ATXN2: variants seen among roughly 807,000 people sequenced by gnomAD.
ATXN2 encodes ataxin-2.
Under a neutral mutation model 138.6 loss-of-function variants are expected in ATXN2, and 37 were observed. The ratio of observed to expected loss-of-function variants is 0.27; its 90% CI spans 0.21 to 0.35. The LOEUF is 0.35. ATXN2 is among the 10% of genes least tolerant of loss of function. ATXN2 has a pLI of 1.00. For missense variants in ATXN2, 1,216 were observed against 1,480.3 expected (o/e 0.82, Z 2.93); for synonymous variants, 549 against 543.7 (o/e 1.01, Z -0.13).
At chr12:111,475,469 G>C (rs1592807733) in intron 18 of ATXN2, among the ~76,000 whole-genome samples, 1 of 141,550 alleles carries the variant, frequency 7.1e-6, no homozygotes. Context: ...ATTGTAAAAA[G>C]ATTTATCTTT....
At chr12:111,547,369 G>C (rs1881850088) in intron 5 of ATXN2, among the ~76,000 whole-genome samples, 1 of 152,118 alleles carries the variant, frequency 6.6e-6, no homozygotes, top group Non-Finnish European at 1.5e-5. Flanking sequence ...AGAGGTTGCA[G>C]TGAGCTGAGA....
chr12:111,456,305 G>A (rs201780034), intron 22 of ATXN2, 49 bp from the exon 23 acceptor site: 2 of 1,591,754 alleles, frequency 1.3e-6, no homozygotes, highest in Non-Finnish European at 1.7e-6. Context: ...TTAATGAAAA[G>A]CAGCCAAGGG....
intron 5 of ATXN2, among the ~76,000 whole-genome samples, chr12:111,531,945 T>TA (rs1054653072): frequency 2.6e-5 from 4 of 152,226 alleles, no homozygotes; most frequent in South Asian, 2.1e-4. Context: ...TATCAAAAAC[T>TA]AAAAAAATCT....
At chr12:111,570,088 C>T (rs1719636085) in intron 1 of ATXN2, among the ~76,000 whole-genome samples, 1 of 152,156 alleles carries the variant, frequency 6.6e-6, no homozygotes, top group Non-Finnish European at 1.5e-5. Flanking sequence ...GAAGTAGCCA[C>T]AATACTGGAC....
At chr12:111,553,643 C>T (rs1007779138) in intron 3 of ATXN2, among the ~76,000 whole-genome samples, 3 of 126,184 alleles carry the variant, frequency 2.4e-5, no homozygotes, top group Non-Finnish European at 4.6e-5. Context: ...GCACTGTTGA[C>T]CAGGCTGAGT....
intron 5 of ATXN2, among the ~76,000 whole-genome samples, chr12:111,536,012 A>C (rs1211276627): frequency 6.6e-6 from 1 of 150,634 alleles, no homozygotes; most frequent in African/African-American, 2.5e-5. Flanking sequence ...AAAAAAAAAA[A>C]AAAACATTGG....
intron 1 of ATXN2, among the ~76,000 whole-genome samples, chr12:111,595,763 A>C (rs1408310403): frequency 2.0e-5 from 3 of 152,036 alleles, no homozygotes; most frequent in Non-Finnish European, 4.4e-5. Flanking sequence ...AAAAATAAGA[A>C]TTAGACTGAT....
chr12:111,452,889 C>T (rs373889583), intron 24 of ATXN2, 49 bp from the exon 25 acceptor site: 4 of 1,595,576 alleles, frequency 2.5e-6, no homozygotes, highest in Non-Finnish European at 2.6e-6. Context: ...CAACACCACA[C>T]ATCAGCCTAG....
chr12:111,495,060 C>T (rs1296770297), intron 14 of ATXN2, among the ~76,000 whole-genome samples: 1 of 152,044 alleles, frequency 6.6e-6, no homozygotes, highest in Non-Finnish European at 1.5e-5. Context: ...AATCCCAGGA[C>T]TTTGGGAGGC....
At chr12:111,535,978 C>T (rs867786081) in intron 5 of ATXN2, among the ~76,000 whole-genome samples, 3 of 137,854 alleles carry the variant, frequency 2.2e-5, no homozygotes, top group East Asian at 2.0e-4. Context: ...CCAGCCTGGG[C>T]GACAGAGCGA....
At chr12:111,591,575 G>A (rs551896445) in intron 1 of ATXN2, among the ~76,000 whole-genome samples, 25 of 152,258 alleles carry the variant, frequency 1.6e-4, no homozygotes, top group Non-Finnish European at 3.5e-4. Context: ...TAAGACAGGA[G>A]AAATGCTTGG....
In ATXN2 at chr12:111,598,214, G is replaced by A. The variant is rs1359276065; in HGVS notation, c.251+570C>T. 1.9e-6 allele frequency: 2 copies of A among 1,051,938 alleles called. No individual in the cohort carries two copies. The allele number at this position is 1,051,938 out of a possible 1,614,324, so 65.2% of individuals were successfully genotyped here. A position where few individuals can be genotyped will look rare whatever the true frequency, so the allele number is the denominator to read the frequency against. On this transcript the variant is annotated intron_variant, in intron 1 of 24. Transcript: ENST00000673436. The surrounding 1 kb of genome is among the most constrained non-coding windows in gnomAD (Gnocchi z 4.5). ...GTCCTCCGATCTTTCCCAGGACTCG[G>A]AGGGGGCGGGGAGAGAGCCCCGACA...
At chr12:111,490,330 T>C (rs1010683209) in intron 14 of ATXN2, among the ~76,000 whole-genome samples, 1 of 152,134 alleles carries the variant, frequency 6.6e-6, no homozygotes, top group African/African-American at 2.4e-5. Flanking sequence ...GGCAGATTTA[T>C]AGTTCAGAAA....
At chr12:111,517,398 A>G (rs960652670) in intron 9 of ATXN2, among the ~76,000 whole-genome samples, 1 of 152,204 alleles carries the variant, frequency 6.6e-6, no homozygotes, top group African/African-American at 2.4e-5. Context: ...TCTGGAGAAA[A>G]GACTCAATGA....
intron 20 of ATXN2, chr12:111,469,836 G>A (rs993764750): frequency 4.7e-6 from 2 of 423,104 alleles, no homozygotes; most frequent in African/African-American, 4.0e-5. Flanking sequence ...GAGGAGAAAG[G>A]TACCTTTCTC....
intron 14 of ATXN2, among the ~76,000 whole-genome samples, chr12:111,491,879 C>T (rs996665838): frequency 6.6e-6 from 1 of 151,984 alleles, no homozygotes. Context: ...CCAGCTCAGC[C>T]CCAGTACAAT....
intron 6 of ATXN2, among the ~76,000 whole-genome samples, chr12:111,522,049 C>G (rs1880185190): frequency 6.6e-6 from 1 of 152,086 alleles, no homozygotes; most frequent in African/African-American, 2.4e-5. Flanking sequence ...CTGATGGCAA[C>G]CTCAATGCTA....
chr12:111,474,048 C>T (rs937484347), intron 18 of ATXN2, among the ~76,000 whole-genome samples: 2 of 152,198 alleles, frequency 1.3e-5, no homozygotes, highest in African/African-American at 4.8e-5. Flanking sequence ...ATTCGAAACC[C>T]TGTCTCTACA....
chr12:111,508,807 T>C (rs984372347), intron 14 of ATXN2, among the ~76,000 whole-genome samples: 55 of 152,152 alleles, frequency 3.6e-4, no homozygotes, highest in African/African-American at 1.3e-3. Flanking sequence ...ATACATGTGC[T>C]AAAGTATGAA....
Sources: allele counts gnomAD v4.1 joint callset (sites outside exome capture counted in the v4.1 genomes callset), GRCh38; gene constraint gnomAD v4.1.1; non-coding constraint Gnocchi (gnomAD v3.1); transcripts MANE v1.5; gene names NCBI Gene and HGNC (gene_info 2026-07-23, HGNC 2026-07-21).